Variants in CDH22 observed in about 807,000 individuals in gnomAD.
The protein encoded by CDH22 is cadherin 22.
In CDH22, 30 loss-of-function variants were observed where a neutral mutation model predicts 58.4. The observed-to-expected ratio is 0.51, with a 90% CI of 0.38 to 0.70. CDH22 has a LOEUF of 0.70. CDH22 is among the 30% of genes least tolerant of loss of function. CDH22 has a pLI of 0.00. For missense variants in CDH22, 1,014 were observed against 1,233.9 expected (o/e 0.82, Z 2.67); for synonymous variants, 513 against 558.2 (o/e 0.92, Z 1.14).
At chr20:46,205,281 T>A (rs1374503600) in intron 7 of CDH22, among the ~76,000 whole-genome samples, 1 of 151,614 alleles carries the variant, frequency 6.6e-6, no homozygotes, top group East Asian at 2.0e-4. Flanking sequence ...GCCTGCTATA[T>A]GCTAAGCACT....
chr20:46,251,094 G>C lies in CDH22; in HGVS notation c.201C>G (p.Asn67Lys). ...TGTACTCCTCTACCACGAAGAACTGGTTCCACACCCAGCCGCGTTTGACGC... is the reference window on the plus strand; with the variant it reads ...TGTACTCCTCTACCACGAAGAACTGCTTCCACACCCAGCCGCGTTTGACGC... ...AGRVKRGWVW[N>K]QFFVVEEYTG... The change falls in exon 2 of 12, where the codon AAC becomes AAG. Residue 67 changes from asparagine (N) to lysine (K), a missense_variant. Asn to Lys is a moderately conservative substitution (Grantham distance 94). Coordinates refer to ENST00000537909, the MANE Select transcript of CDH22 (RefSeq NM_021248.3). The surrounding 1 kb of genome is among the most constrained non-coding windows in gnomAD (Gnocchi z 6.7). 1 of 1,610,734 alleles carries C rather than the reference G, an allele frequency of 6.2e-7. No homozygotes were observed. The highest frequency in any genetic ancestry group is 2.3e-5 in the East Asian group (1 of 44,214).
intron 1 of CDH22, among the ~76,000 whole-genome samples, chr20:46,267,865 G>A (rs545532885): frequency 4.6e-5 from 7 of 152,250 alleles, no homozygotes; most frequent in South Asian, 2.1e-4. Context: ...CTTTGCCTGC[G>A]GGAGGTTCAC....
chr20:46,179,200 G>A (rs1302294248), intron 10 of CDH22, among the ~76,000 whole-genome samples: 1 of 152,164 alleles, frequency 6.6e-6, no homozygotes, highest in African/African-American at 2.4e-5. Context: ...CCAGAGCTCC[G>A]AAGGCTGCTG....
At chr20:46,238,659 G>A (rs185431225) in intron 3 of CDH22, among the ~76,000 whole-genome samples, 1 of 152,294 alleles carries the variant, frequency 6.6e-6, no homozygotes, top group East Asian at 1.9e-4. Flanking sequence ...TCATCCTTGA[G>A]TTTTCTTTCT....
chr20:46,226,256 C>T (rs1268340379), intron 4 of CDH22, among the ~76,000 whole-genome samples: 32 of 13,316 alleles, frequency 2.4e-3, no homozygotes, highest in African/African-American at 0.011. Context: ...TCTTCTTCTT[C>T]TTCTTCTTCT....
intron 7 of CDH22, among the ~76,000 whole-genome samples, chr20:46,202,911 G>A (rs1600694796): frequency 6.6e-6 from 1 of 151,660 alleles, no homozygotes. Context: ...CTGATCCCTC[G>A]TCAGGGCTGG....
intron 4 of CDH22, among the ~76,000 whole-genome samples, chr20:46,227,008 T>A (rs1294714128): frequency 6.6e-6 from 1 of 152,240 alleles, no homozygotes; most frequent in African/African-American, 2.4e-5. Context: ...CCACTCTTCC[T>A]TAAAGGTCTC....
chr20:46,202,783 AAGG>A (rs1157357257), intron 7 of CDH22, among the ~76,000 whole-genome samples: 1 of 152,182 alleles, frequency 6.6e-6, no homozygotes, highest in African/African-American at 2.4e-5. Context: ...AAGGAGGTTG[AAGG>A]AGGCTCTTGA....
At chr20:46,257,993 A>G (rs540040888) in intron 1 of CDH22, among the ~76,000 whole-genome samples, 4 of 152,290 alleles carry the variant, frequency 2.6e-5, no homozygotes, top group Non-Finnish European at 5.9e-5. Context: ...ATTGAGGGGT[A>G]AGTGTCTGTC....
At chr20:46,221,607 T>C (rs544842966) in intron 4 of CDH22, among the ~76,000 whole-genome samples, 26 of 152,282 alleles carry the variant, frequency 1.7e-4, no homozygotes, top group Non-Finnish European at 3.2e-4. Context: ...TCTGCCACAT[T>C]CTATTGGCCA....
chr20:46,216,666 G>A lies in CDH22; in HGVS notation c.838+160C>T, dbSNP rs1466567014. ...AAGCATGGTTGGAGGGGGGCTGGGGGATAGCTGGTGGCTTGGGAGGACAGA... is the reference window on the plus strand; with the variant it reads ...AAGCATGGTTGGAGGGGGGCTGGGGAATAGCTGGTGGCTTGGGAGGACAGA... On this transcript the variant is annotated intron_variant, in intron 5 of 11. Coordinates refer to ENST00000537909, the MANE Select transcript of CDH22 (RefSeq NM_021248.3). This position sits in a 1 kb window ranked among gnomAD's most constrained non-coding sequence, Gnocchi z 5.3. Among the ~76,000 whole-genome samples the A allele has an allele frequency of 6.6e-6, 1 of 152,180 alleles. No homozygotes were observed. The highest frequency in any genetic ancestry group is 1.5e-5 in the Non-Finnish European group (1 of 68,040).
rs542070117 is a variant in CDH22 at position 46,279,287 on chromosome 20, C to T, written c.-399-27594G>A. ...CGCAAAAAACTCATGACTCAGGAGT[C>T]AGTGTGAGAGAAATATCAGCATGTG... On this transcript the variant is annotated intron_variant, in intron 1 of 11. Transcript: ENST00000537909. 3.3e-5 allele frequency among the ~76,000 whole-genome samples: 5 copies of T among 152,262 alleles called. No homozygotes were observed. The East Asian group carries it at 5.8e-4, about 18-fold the overall frequency.
chr20:46,210,666 T>C lies in CDH22; in HGVS notation c.1033-106A>G. 24 of 1,115,414 alleles carry C rather than the reference T, an allele frequency of 2.2e-5. No homozygotes were observed. The highest frequency in any genetic ancestry group is 2.9e-5 in the Non-Finnish European group (24 of 829,096). The allele number at this position is 1,115,414 out of a possible 1,614,324, so 69.1% of individuals were successfully genotyped here. On this transcript the variant is annotated intron_variant, in intron 6 of 11. Transcript: ENST00000537909. The surrounding 1 kb of genome is among the most constrained non-coding windows in gnomAD (Gnocchi z 4.5). ...GGGGTTGGCCCAAGGTCACACGTTG[T>C]CTCAGCAGGGGCGGCAGGGATGTTT... is the stretch of plus-strand genomic sequence containing the variant.
chr20:46,301,534 G>C (rs1160898454), intron 1 of CDH22, among the ~76,000 whole-genome samples: 1 of 151,512 alleles, frequency 6.6e-6, no homozygotes, highest in Non-Finnish European at 1.5e-5. Context: ...TATATGGCTG[G>C]GTGCGGTGGC....
chr20:46,212,412 T>C (rs1016290061), intron 6 of CDH22, among the ~76,000 whole-genome samples: 4 of 152,090 alleles, frequency 2.6e-5, no homozygotes, highest in Admixed American at 1.3e-4. Context: ...TCCTGGAAGA[T>C]GGATTTTTGC....
chr20:46,295,159 C>T (rs1353946839), intron 1 of CDH22, among the ~76,000 whole-genome samples: 2 of 152,226 alleles, frequency 1.3e-5, no homozygotes, highest in Non-Finnish European at 2.9e-5. Flanking sequence ...TTCCCTGCTG[C>T]CCTCTGCAGA....
chr20:46,225,552 G>A (rs1568664935), intron 4 of CDH22, among the ~76,000 whole-genome samples: 1 of 152,228 alleles, frequency 6.6e-6, no homozygotes, highest in Non-Finnish European at 1.5e-5. Context: ...GAAGATGCAT[G>A]AGAAAATTAC....
intron 6 of CDH22, among the ~76,000 whole-genome samples, chr20:46,211,500 C>T (rs1409515471): frequency 2.6e-5 from 4 of 152,202 alleles, no homozygotes. Context: ...GAGTGGTGGA[C>T]TCTGGAGCCA....
intron 8 of CDH22, among the ~76,000 whole-genome samples, chr20:46,195,851 A>G (rs2085896675): frequency 6.6e-6 from 1 of 152,204 alleles, no homozygotes; most frequent in Non-Finnish European, 1.5e-5. Flanking sequence ...GAGGTAATCC[A>G]GTATGACAGG....
Sources: gnomAD v4.1 joint callset for allele counts (sites outside exome capture counted in the v4.1 genomes callset) on GRCh38, gnomAD v4.1.1 for gene constraint, Gnocchi (gnomAD v3.1) non-coding constraint, MANE v1.5 for transcripts, NCBI Gene and HGNC (gene_info 2026-07-23, HGNC 2026-07-21) for gene names.